Variants in CASQ2 observed in about 807,000 individuals in gnomAD.
CASQ2 encodes calsequestrin 2, also known as calsequestrin-2.
CASQ2 carries 49 observed loss-of-function variants against 46.5 expected under a neutral mutation model. The observed-to-expected ratio is 1.05, with a 90% CI of 0.84 to 1.34. The LOEUF (loss-of-function observed/expected upper bound fraction) is 1.34. Ranked by LOEUF, CASQ2 falls within the 40% of genes most tolerant of loss-of-function variation. The probability of loss-of-function intolerance (pLI) is 0.00; values close to 1 mark genes in which losing one functional copy is unlikely to be tolerated. For missense variants in CASQ2, 486 were observed against 481.3 expected (o/e 1.01, Z -0.09); for synonymous variants, 174 against 168.5 (o/e 1.03, Z -0.25).
intron 8 of CASQ2, among the ~76,000 whole-genome samples, chr1:115,710,490 C>T (rs980452758): frequency 7.2e-5 from 11 of 152,166 alleles, no homozygotes; most frequent in Non-Finnish European, 1.3e-4. Context: ...CTTCCTTCCT[C>T]GAGTGCTTGA....
intron 7 of CASQ2, among the ~76,000 whole-genome samples, 193 bp downstream of exon 7, chr1:115,725,315 C>G (rs1233972921): frequency 6.6e-6 from 1 of 152,088 alleles, no homozygotes; most frequent in Non-Finnish European, 1.5e-5. Flanking sequence ...TGATCCCTGG[C>G]CCCGGCCTCC....
intron 1 of CASQ2, 150 bp downstream of exon 1, chr1:115,768,158 C>CA (rs1252798919): frequency 1.5e-6 from 1 of 677,060 alleles, no homozygotes; most frequent in African/African-American, 1.8e-5. Flanking sequence ...AGCTGTGTGA[C>CA]AAGGGCATCT....
At position 115,764,776 on chromosome 1, in the gene CASQ2, C is replaced by CGT. The variant is rs766643561; in HGVS notation, c.234+3531_234+3532insAC. Among the ~76,000 whole-genome samples the CGT allele has an allele frequency of 4.3e-3, 651 of 152,290 alleles. 1 individual carries two copies. The highest frequency in any genetic ancestry group is 7.5e-3 in the Non-Finnish European group (512 of 68,024). ...GTTTGAGTTTGCTGCCTCCTGGTGT[C>CGT]ATATTACTTGCCTTTTTCTTGCTAA... On this transcript the variant is annotated intron_variant, in intron 1 of 10. Transcript: ENST00000261448.
At chr1:115,719,213 T>G (rs759563112) in intron 7 of CASQ2, among the ~76,000 whole-genome samples, 2 of 152,186 alleles carry the variant, frequency 1.3e-5, no homozygotes, top group Admixed American at 6.5e-5. Context: ...TCAGATTCTC[T>G]GGAGAATTTA....
chr1:115,717,988 G>A (rs749857236), intron 7 of CASQ2, 94 bp from the exon 8 acceptor site: 11 of 821,088 alleles, frequency 1.3e-5, no homozygotes, highest in South Asian at 1.1e-4. Context: ...AATGGGAATA[G>A]GAGAGGTAGG....
intron 1 of CASQ2, among the ~76,000 whole-genome samples, chr1:115,757,602 C>T (rs1413082949): frequency 6.6e-6 from 1 of 152,142 alleles, no homozygotes; most frequent in African/African-American, 2.4e-5. Flanking sequence ...GAAATGCAAC[C>T]ACCACTGGGA....
At chr1:115,745,268 CTT>C (rs1310179011) in intron 1 of CASQ2, among the ~76,000 whole-genome samples, 2 of 152,140 alleles carry the variant, frequency 1.3e-5, no homozygotes, top group Non-Finnish European at 2.9e-5. Context: ...GCCCTGAGCC[CTT>C]CTCTAGCTGC....
Position 115,726,998 on chromosome 1 carries a change from T to C in CASQ2, c.731A>G (p.His244Arg), listed in dbSNP as rs28730716. 6,841 of 1,572,306 alleles carry C rather than the reference T, an allele frequency of 4.4e-3. 244 individuals are homozygous for C. The African/African-American group carries it at 0.081, about 19-fold the overall frequency. ...EEELVEFVKE[H>R]QRPTLRRLRP... Reference sequence around the variant, plus strand: ...CACATGCCATCTCAGGCACCTTTGGTGTTCCTTCACAAACTCCACCAGCTC... The same window carrying C: ...CACATGCCATCTCAGGCACCTTTGGCGTTCCTTCACAAACTCCACCAGCTC... Residue 244 changes from histidine to arginine, a missense_variant, in exon 6 of 11, where the codon CAC becomes CGC. By Grantham distance (29) the His-to-Arg change is conservative. Transcript: ENST00000261448.
At chr1:115,716,752 G>C (rs1282591603) in intron 8 of CASQ2, among the ~76,000 whole-genome samples, 1 of 152,202 alleles carries the variant, frequency 6.6e-6, no homozygotes, top group Non-Finnish European at 1.5e-5. Context: ...CGTGAAGCTG[G>C]CTTGCCCTCT....
In CASQ2 at chr1:115,752,994, G is replaced by C. The variant is rs573508027; in HGVS notation, c.235-8082C>G. Among the ~76,000 whole-genome samples, 12 of 152,278 alleles carry C rather than the reference G, an allele frequency of 7.9e-5. No individual in the cohort carries two copies. The South Asian group carries it at 2.5e-3, about 32-fold the overall frequency. The stretch of plus-strand genomic sequence containing the variant: ...CTTCCTTGGTTTTGGAGAGAAAAGG[G>C]AGAGAGATCAAAGAAGAGGGAGGAG... On this transcript the variant is annotated intron_variant, in intron 1 of 10. Coordinates refer to ENST00000261448, the MANE Select transcript of CASQ2 (RefSeq NM_001232.4).
chr1:115,735,692 TA>T (rs1237484033), intron 4 of CASQ2, among the ~76,000 whole-genome samples: 21 of 152,194 alleles, frequency 1.4e-4, no homozygotes, highest in Non-Finnish European at 2.6e-4. Context: ...AAAATTTAAT[TA>T]AGATCTGTAA....
chr1:115,726,829 C>T (rs2101078792), intron 6 of CASQ2, among the ~76,000 whole-genome samples, 163 bp downstream of exon 6: 1 of 152,268 alleles, frequency 6.6e-6, no homozygotes, highest in South Asian at 2.1e-4. Context: ...TAATAACATC[C>T]CTGCTAGTCA....
chr1:115,714,172 A>T (rs138007599), intron 8 of CASQ2, among the ~76,000 whole-genome samples: 1 of 152,290 alleles, frequency 6.6e-6, no homozygotes, highest in Non-Finnish European at 1.5e-5. Flanking sequence ...AAGCTCTCTC[A>T]GCCTCAGCTT....
intron 2 of CASQ2, among the ~76,000 whole-genome samples, chr1:115,743,511 CCAGA>C (rs1393780616): frequency 7.2e-5 from 11 of 152,070 alleles, no homozygotes; most frequent in African/African-American, 2.7e-4. Context: ...CCCAAAGTGC[CCAGA>C]CATTCTTAAT....
intron 8 of CASQ2, among the ~76,000 whole-genome samples, chr1:115,708,304 G>A (rs73009358): frequency 0.1 from 15,939 of 152,166 alleles, 1,048 homozygotes; most frequent in African/African-American, 0.18. Context: ...TAATAAATAA[G>A]GTTGACATTA....
chr1:115,740,598 T>G (rs1453619561), intron 3 of CASQ2, 130 bp downstream of exon 3: 2 of 692,292 alleles, frequency 2.9e-6, no homozygotes, highest in East Asian at 5.4e-5. Flanking sequence ...TCCTTAGTTT[T>G]TTGTGAATCC....
At chr1:115,725,028 T>A (rs770609671) in intron 7 of CASQ2, among the ~76,000 whole-genome samples, 1 of 152,196 alleles carries the variant, frequency 6.6e-6, no homozygotes, top group Non-Finnish European at 1.5e-5. Context: ...TGGAGAACTG[T>A]GTTTTAATTG....
chr1:115,743,874 C>A (rs761304506), intron 2 of CASQ2, among the ~76,000 whole-genome samples: 2 of 151,840 alleles, frequency 1.3e-5, no homozygotes, highest in Admixed American at 6.6e-5. Context: ...CTATGGCTCA[C>A]GCCTGTAATC....
At chr1:115,706,971 C>T (rs1224249978) in intron 8 of CASQ2, among the ~76,000 whole-genome samples, 1 of 152,000 alleles carries the variant, frequency 6.6e-6, no homozygotes, top group South Asian at 2.1e-4. Context: ...ACTGAAGATT[C>T]AGGCTGAGCC....
Sources: gnomAD v4.1 joint callset for allele counts (sites outside exome capture counted in the v4.1 genomes callset) on GRCh38, gnomAD v4.1.1 for gene constraint, MANE v1.5 for transcripts, NCBI Gene and HGNC (gene_info 2026-07-23, HGNC 2026-07-21) for gene names.